ARL15: variants seen among roughly 807,000 people sequenced by gnomAD.
ARL15 encodes ADP-ribosylation factor-like protein 15.
Under a neutral mutation model 25.2 loss-of-function variants are expected in ARL15, and 19 were observed. That is an observed-to-expected ratio of 0.75 (90% CI 0.53 to 1.10). The LOEUF (loss-of-function observed/expected upper bound fraction) is 1.10. Among genes scored for constraint, ARL15 ranks in the 50% least tolerant of loss-of-function variants. ARL15 has a pLI of 0.00. For synonymous variants in ARL15, 94 were observed against 86.8 expected, an observed-to-expected ratio of 1.08 and a Z score of -0.46; for missense variants, 220 against 246.0, an observed-to-expected ratio of 0.89 and a Z score of 0.71.
intron 4 of ARL15, among the ~76,000 whole-genome samples, chr5:53,888,170 T>G (rs1198677515): frequency 6.6e-6 from 1 of 152,030 alleles, no homozygotes; most frequent in Admixed American, 6.6e-5. Context: ...GATCAGAAAA[T>G]GGATATACAA....
At chr5:54,062,562 T>A (rs1751103535) in intron 4 of ARL15, among the ~76,000 whole-genome samples, 2 of 151,924 alleles carry the variant, frequency 1.3e-5, no homozygotes, top group Admixed American at 1.3e-4. Flanking sequence ...ACAAACTCTC[T>A]TTTTGCCTGC....
intron 1 of ARL15, among the ~76,000 whole-genome samples, chr5:54,239,305 T>C (rs1356193433): frequency 6.6e-6 from 1 of 152,040 alleles, no homozygotes; most frequent in Non-Finnish European, 1.5e-5. Context: ...ATCTGAAATA[T>C]ACAGTTCAGG....
At chr5:54,151,683 C>T (rs1306228824) in intron 3 of ARL15, among the ~76,000 whole-genome samples, 1 of 151,976 alleles carries the variant, frequency 6.6e-6, no homozygotes, top group Non-Finnish European at 1.5e-5. Context: ...TATATATTCA[C>T]ACACAAACAT....
At chr5:53,929,727 T>A (rs766082138) in intron 4 of ARL15, among the ~76,000 whole-genome samples, 2 of 152,246 alleles carry the variant, frequency 1.3e-5, no homozygotes, top group Non-Finnish European at 2.9e-5. Context: ...CTACCATAAA[T>A]GTGTGGTTCA....
chr5:53,888,533 C>G (rs747299559), intron 4 of ARL15, among the ~76,000 whole-genome samples: 7 of 152,158 alleles, frequency 4.6e-5, no homozygotes, highest in Non-Finnish European at 1.0e-4. Context: ...CTTCTGCCAC[C>G]TCAGCCTCCA....
intron 4 of ARL15, among the ~76,000 whole-genome samples, chr5:54,073,295 G>A (rs183470036): frequency 1.3e-5 from 2 of 152,270 alleles, no homozygotes; most frequent in East Asian, 3.9e-4. Context: ...AGGGCTCAAA[G>A]TCATATTTTC....
At chr5:54,121,008 A>G in intron 3 of ARL15, among the ~76,000 whole-genome samples, 1 of 152,298 alleles carries the variant, frequency 6.6e-6, no homozygotes, top group South Asian at 2.1e-4. Flanking sequence ...GAGGTTCTAG[A>G]TTAAGACAAA....
At chr5:54,276,246 G>A (rs1044814624) in intron 1 of ARL15, among the ~76,000 whole-genome samples, 4 of 152,116 alleles carry the variant, frequency 2.6e-5, no homozygotes, top group Middle Eastern at 3.2e-3. Context: ...AATGACTGCA[G>A]ACATCTCAGC....
At chr5:54,122,580 A>C (rs973200528) in intron 3 of ARL15, among the ~76,000 whole-genome samples, 1 of 152,228 alleles carries the variant, frequency 6.6e-6, no homozygotes, top group African/African-American at 2.4e-5. Flanking sequence ...ATAACCAAAA[A>C]TTGGTACTAT....
chr5:54,040,655 G>A (rs1264080433), intron 4 of ARL15, among the ~76,000 whole-genome samples: 1 of 152,102 alleles, frequency 6.6e-6, no homozygotes, highest in Non-Finnish European at 1.5e-5. Flanking sequence ...GTCCAACAGA[G>A]TTTCAGTGTT....
In ARL15 at chr5:53,921,863, A is replaced by G. The variant is rs575008503; in HGVS notation, c.463-35150T>C. Among the ~76,000 whole-genome samples the G allele has an allele frequency of 4.1e-4, 62 of 152,292 alleles. No individual in the cohort carries two copies. The South Asian group carries it at 0.012, about 31-fold the overall frequency. On this transcript the variant is annotated intron_variant, in intron 4 of 4. Transcript: ENST00000504924. ...AGGAATGAGCAGTTTGACAATCACT[A>G]TGTGCCATCATATTGATTCTCAACA...
intron 4 of ARL15, among the ~76,000 whole-genome samples, chr5:54,100,626 A>G (rs2112176147): frequency 6.6e-6 from 1 of 152,230 alleles, no homozygotes; most frequent in East Asian, 1.9e-4. Context: ...GTAACAAGTT[A>G]GAGATTAAAC....
chr5:54,244,238 C>T (rs553720262), intron 1 of ARL15, among the ~76,000 whole-genome samples: 6 of 152,332 alleles, frequency 3.9e-5, no homozygotes, highest in Non-Finnish European at 7.4e-5. Context: ...ACTACCTGTA[C>T]TATTCATATT....
At chr5:54,078,592 A>T (rs1473584238) in intron 4 of ARL15, among the ~76,000 whole-genome samples, 1 of 152,212 alleles carries the variant, frequency 6.6e-6, no homozygotes, top group Non-Finnish European at 1.5e-5. Flanking sequence ...TCCTTACTTC[A>T]TGGGATGGCA....
chr5:54,133,603 G>C (rs1306306605), intron 3 of ARL15, among the ~76,000 whole-genome samples: 1 of 152,166 alleles, frequency 6.6e-6, no homozygotes, highest in Non-Finnish European at 1.5e-5. Flanking sequence ...TGATTCAGCT[G>C]ACAGTTTCAT....
chr5:54,244,179 T>A (rs186963480), intron 1 of ARL15, among the ~76,000 whole-genome samples: 48 of 152,316 alleles, frequency 3.2e-4, no homozygotes, highest in African/African-American at 1.1e-3. Context: ...ATTCTAGATT[T>A]CACCCATAAC....
At chr5:54,155,680 TCACACACA>T (rs58416810) in intron 2 of ARL15, among the ~76,000 whole-genome samples, 2 of 149,940 alleles carry the variant, frequency 1.3e-5, no homozygotes, top group Admixed American at 6.7e-5. Context: ...ATATACCCAT[TCACACACA>T]CACACACACA....
rs1744465909 is a variant in ARL15, at chr5:53,884,834, A to G, written c.*1727T>C. On this transcript the variant is annotated 3_prime_UTR_variant, in exon 5 of 5. Transcript: ENST00000504924. ...GAAGATGAGCACAACAGGACAAAAT[A>G]AAAACAGGAATTGTGTAACTGGTCA... The G allele has an allele frequency of 6.6e-6, 1 of 152,638 alleles. No homozygotes were observed. 9.5% of individuals were successfully genotyped at this position (152,638 alleles called of 1,614,324 possible). A position where few individuals can be genotyped will look rare whatever the true frequency, so the allele number is the denominator to read the frequency against.
chr5:54,310,454 G>C lies in ARL15; in HGVS notation c.26C>G (p.Ala9Gly), dbSNP rs547287139. 2 of 1,609,786 alleles carry C rather than the reference G, an allele frequency of 1.2e-6. No homozygotes were observed. The highest frequency in any genetic ancestry group is 2.2e-5 in the South Asian group (2 of 89,884). MSDLRITE[A>G]FLYMDYLCFR... ...TACCAGATAATCCATGTACAGAAAC[G>C]CCTCAGTTATTCGGAGATCAGACAT... is the stretch of plus-strand genomic sequence containing the variant. The change falls in exon 1 of 5, where the codon GCG becomes GGG. Residue 9 changes from alanine to glycine, a missense_variant. By Grantham distance (60) the Ala-to-Gly change is moderately conservative (BLOSUM62 0). Transcript: ENST00000504924.
Sources: allele counts gnomAD v4.1 joint callset (sites outside exome capture counted in the v4.1 genomes callset), GRCh38; gene constraint gnomAD v4.1.1; transcripts MANE v1.5; gene names NCBI Gene and HGNC (gene_info 2026-07-23, HGNC 2026-07-21).